The following KCNH1 variants were observed in gnomAD, a reference collection of about 807,000 sequenced individuals.
The protein encoded by KCNH1 is voltage-gated delayed rectifier potassium channel KCNH1.
KCNH1 carries 27 observed loss-of-function variants against 69.2 expected under a neutral mutation model. The observed-to-expected ratio is 0.39, with a 90% CI of 0.29 to 0.54. The LOEUF (loss-of-function observed/expected upper bound fraction) is 0.54. Among genes scored for constraint, KCNH1 ranks in the 20% least tolerant of loss-of-function variants. KCNH1 has a pLI of 0.68. For missense variants in KCNH1, 798 were observed against 1,261.6 expected (o/e 0.63, Z 5.57); for synonymous variants, 456 against 487.7 (o/e 0.93, Z 0.86).
rs1571649482 is a variant in KCNH1 at position 211,104,109 on chromosome 1, A to C, written c.204-507T>G. On this transcript the variant is annotated intron_variant, in intron 2 of 10. Transcript: ENST00000271751. ...GACCCTGATTATAGTTCATTTCAGT[A>C]TGATTGAAATATAGACAATGAGAGG... 2.6e-5 allele frequency among the ~76,000 whole-genome samples: 4 copies of C among 152,376 alleles called. No individual in the cohort carries two copies. In the South Asian group the frequency reaches 8.3e-4, roughly 32 times the overall value.
intron 7 of KCNH1, among the ~76,000 whole-genome samples, chr1:210,905,027 C>G (rs987688003): frequency 6.6e-5 from 10 of 152,292 alleles, no homozygotes; most frequent in Admixed American, 4.6e-4. Context: ...ACTCCCCACA[C>G]CATCAGCTCC....
intron 5 of KCNH1, among the ~76,000 whole-genome samples, chr1:211,079,589 T>C (rs1690812436): frequency 6.6e-6 from 1 of 152,146 alleles, no homozygotes; most frequent in African/African-American, 2.4e-5. Flanking sequence ...GCAAGCCAAA[T>C]CCAGCAGCAC....
intron 5 of KCNH1, among the ~76,000 whole-genome samples, chr1:211,082,207 T>A (rs1163739418): frequency 6.6e-6 from 1 of 152,174 alleles, no homozygotes; most frequent in Admixed American, 6.5e-5. Flanking sequence ...CATGATTATA[T>A]AAAGTGAAGA....
chr1:210,747,937 G>T (rs1401836369), intron 10 of KCNH1, among the ~76,000 whole-genome samples: 1 of 152,190 alleles, frequency 6.6e-6, no homozygotes, highest in Non-Finnish European at 1.5e-5. Context: ...CCTTTGACAG[G>T]GAACAAATGA....
intron 5 of KCNH1, among the ~76,000 whole-genome samples, chr1:211,036,928 C>T (rs1689909541): frequency 6.6e-6 from 1 of 152,160 alleles, no homozygotes; most frequent in African/African-American, 2.4e-5. Context: ...TCCTCTCCTG[C>T]TACAACATCC....
chr1:210,845,492 A>C (rs1211312021), intron 7 of KCNH1, among the ~76,000 whole-genome samples: 1 of 144,882 alleles, frequency 6.9e-6, no homozygotes, highest in African/African-American at 2.5e-5. Flanking sequence ...TGATTATCTC[A>C]ATAGATGCAG....
intron 10 of KCNH1, among the ~76,000 whole-genome samples, chr1:210,751,867 T>C (rs188539161): frequency 4.6e-5 from 7 of 152,114 alleles, no homozygotes; most frequent in Admixed American, 2.0e-4. Flanking sequence ...TAAGAAACCA[T>C]AGGCGATACC....
At chr1:210,982,317 C>T (rs1688727772) in intron 6 of KCNH1, among the ~76,000 whole-genome samples, 3 of 151,794 alleles carry the variant, frequency 2.0e-5, no homozygotes, top group South Asian at 2.1e-4. Flanking sequence ...ATGTGCACAA[C>T]GTGCAGGTTT....
At position 211,133,471 on chromosome 1, in the gene KCNH1, G is replaced by A. The variant is rs1334866810; in HGVS notation, c.79+396C>T. The A allele has an allele frequency of 6.4e-6, 1 of 155,144 alleles. No homozygotes were observed. The highest frequency in any genetic ancestry group is 2.0e-4 in the South Asian group (1 of 4,948). 9.6% of individuals were successfully genotyped at this position (155,144 alleles called of 1,614,324 possible). On this transcript the variant is annotated intron_variant, in intron 1 of 10. Coordinates refer to ENST00000271751, the MANE Select transcript of KCNH1 (RefSeq NM_172362.3). The surrounding 1 kb of genome is among the most constrained non-coding windows in gnomAD (Gnocchi z 5.4). ...CTCCCTGGGGAGAGGCGGCGCCTCT[G>A]GGAGCAGCCCGGGAGCCCCAGAGCC...
chr1:210,758,326 G>C (rs868069235), intron 10 of KCNH1, among the ~76,000 whole-genome samples: 9 of 152,298 alleles, frequency 5.9e-5, no homozygotes, highest in Middle Eastern at 3.4e-3. Context: ...ACCAGCAGTA[G>C]GTGCTGGAAT....
chr1:211,070,737 G>A (rs1326091351), intron 5 of KCNH1, among the ~76,000 whole-genome samples: 5 of 151,082 alleles, frequency 3.3e-5, no homozygotes, highest in Non-Finnish European at 4.4e-5. Flanking sequence ...CAGGAGAATC[G>A]CTTGAACCCA....
chr1:210,898,895 T>C (rs573745993), intron 7 of KCNH1, among the ~76,000 whole-genome samples: 2 of 152,318 alleles, frequency 1.3e-5, no homozygotes, highest in South Asian at 4.1e-4. Flanking sequence ...TGAAGAGAGC[T>C]GTCTACCTGA....
At chr1:210,792,459 G>C (rs1684229061) in intron 9 of KCNH1, among the ~76,000 whole-genome samples, 1 of 152,126 alleles carries the variant, frequency 6.6e-6, no homozygotes, top group African/African-American at 2.4e-5. Flanking sequence ...CTGGAGATAA[G>C]AAATCAAAGA....
intron 10 of KCNH1, among the ~76,000 whole-genome samples, chr1:210,741,462 A>G (rs1432677873): frequency 6.6e-6 from 1 of 152,096 alleles, no homozygotes; most frequent in Admixed American, 6.5e-5. Flanking sequence ...GAAAGGAGAA[A>G]GGAATGAGGA....
intron 10 of KCNH1, among the ~76,000 whole-genome samples, chr1:210,754,379 C>A (rs1683349082): frequency 6.6e-6 from 1 of 152,156 alleles, no homozygotes; most frequent in Admixed American, 6.5e-5. Context: ...TCCCTGGCTG[C>A]CACTCTTAGG....
intron 5 of KCNH1, among the ~76,000 whole-genome samples, chr1:211,026,278 T>A (rs1490638425): frequency 6.6e-6 from 1 of 150,602 alleles, no homozygotes; most frequent in Non-Finnish European, 1.5e-5. Flanking sequence ...CGGCTAGGAA[T>A]GACACAGTGG....
intron 1 of KCNH1, among the ~76,000 whole-genome samples, chr1:211,110,168 A>G (rs1312877388): frequency 1.3e-5 from 2 of 152,170 alleles, no homozygotes; most frequent in African/African-American, 4.8e-5. Context: ...TAATGAAGAT[A>G]TTTTCATATA....
At chr1:211,122,196 C>T (rs550738972) in intron 1 of KCNH1, among the ~76,000 whole-genome samples, 2 of 151,290 alleles carry the variant, frequency 1.3e-5, no homozygotes, top group South Asian at 4.2e-4. Context: ...CAAAATAAGA[C>T]ATTTATGTAG....
chr1:210,744,829 C>T (rs1265110496), intron 10 of KCNH1, among the ~76,000 whole-genome samples: 5 of 152,200 alleles, frequency 3.3e-5, no homozygotes, highest in South Asian at 2.1e-4. Flanking sequence ...AAGACCCAAG[C>T]GCCGTTAGTT....
Sources: gnomAD v4.1 joint callset for allele counts (sites outside exome capture counted in the v4.1 genomes callset) on GRCh38, gnomAD v4.1.1 for gene constraint, Gnocchi (gnomAD v3.1) non-coding constraint, MANE v1.5 for transcripts, NCBI Gene and HGNC (gene_info 2026-07-23, HGNC 2026-07-21) for gene names.